The following MYO5B variants were observed in gnomAD, a reference collection of about 807,000 sequenced individuals.
The protein encoded by MYO5B is unconventional myosin-Vb.
Under a neutral mutation model 229.3 loss-of-function variants are expected in MYO5B, and 143 were observed. That is an observed-to-expected ratio of 0.62 (90% confidence interval 0.54 to 0.72). The LOEUF is 0.72. Among genes scored for constraint, MYO5B ranks in the 30% least tolerant of loss-of-function variants. MYO5B has a pLI of 0.00. For synonymous variants in MYO5B, 918 were observed against 885.2 expected (o/e 1.04, Z -0.66); for missense variants, 2,321 against 2,331.0 (o/e 1.00, Z 0.09).
chr18:50,156,635 G>A (rs1599064370), intron 1 of MYO5B, among the ~76,000 whole-genome samples: 1 of 152,176 alleles, frequency 6.6e-6, no homozygotes, highest in African/African-American at 2.4e-5. Flanking sequence ...TTTATTAGCA[G>A]TGTGAGAACA....
At chr18:50,000,224 A>C (rs1750304511) in intron 5 of MYO5B, among the ~76,000 whole-genome samples, 2 of 152,204 alleles carry the variant, frequency 1.3e-5, no homozygotes, top group Non-Finnish European at 2.9e-5. Flanking sequence ...CTGAAAGACC[A>C]AACTCCATGG....
chr18:49,962,865 TC>T, intron 11 of MYO5B, 83 bp downstream of exon 11: 1 of 1,200,280 alleles, frequency 8.3e-7, no homozygotes, highest in Admixed American at 1.7e-5. Flanking sequence ...CCCACCCACC[TC>T]AGAGGAAGAG....
chr18:50,037,183 C>T (rs556320528), intron 3 of MYO5B, among the ~76,000 whole-genome samples, 189 bp from the exon 4 acceptor site: 1 of 151,564 alleles, frequency 6.6e-6, no homozygotes, highest in Admixed American at 6.6e-5. Flanking sequence ...TACCCTACAG[C>T]CTGGAATAAG....
At position 50,178,473 on chromosome 18, in the gene MYO5B, A is replaced by T. The variant is rs58699874; in HGVS notation, c.27+16294T>A. Among the ~76,000 whole-genome samples the T allele has an allele frequency of 3.3e-3, 510 of 152,346 alleles. 2 individuals are homozygous for T. Among genetic ancestry groups the T allele is most frequent in the African/African-American group, 0.012 (501 of 41,576 alleles). The stretch of plus-strand genomic sequence containing the variant: ...AACAGAAAACACTTGAGATGCATAA[A>T]CATAGCCCAGCAGGGAAGTGCAACA... On this transcript the variant is annotated intron_variant, in intron 1 of 39. Transcript: ENST00000285039.
Position 49,836,036 on chromosome 18 carries a change from T to A in MYO5B, c.5314-612A>T, listed in dbSNP as rs553900305. 1.6e-4 allele frequency among the ~76,000 whole-genome samples: 25 copies of A among 152,170 alleles called. No homozygotes were observed. The East Asian group carries it at 2.9e-3, about 18-fold the overall frequency. ...CAGAAGGAAGCAGTTTTTTAAAGAG[T>A]TAGATATTTAATATTTTAATAGTAA... On this transcript the variant is annotated intron_variant, in intron 38 of 39. Transcript: ENST00000285039.
intron 1 of MYO5B, among the ~76,000 whole-genome samples, chr18:50,182,604 G>A (rs1159027430): frequency 6.6e-6 from 1 of 152,168 alleles, no homozygotes; most frequent in Non-Finnish European, 1.5e-5. Flanking sequence ...TTCACACCTT[G>A]TGCTAAGCCT....
intron 30 of MYO5B, among the ~76,000 whole-genome samples, 179 bp from the exon 31 acceptor site, chr18:49,853,826 A>T (rs1326027234): frequency 6.6e-6 from 1 of 152,252 alleles, no homozygotes; most frequent in African/African-American, 2.4e-5. Context: ...CAAGCAGGCC[A>T]AAGTGTCCTC....
chr18:50,082,546 A>T (rs954086722), intron 1 of MYO5B, among the ~76,000 whole-genome samples: 1 of 152,230 alleles, frequency 6.6e-6, no homozygotes, highest in Non-Finnish European at 1.5e-5. Context: ...CTGCGGATTG[A>T]TAAAATATAC....
At chr18:49,855,843 G>A (rs113753210) in intron 30 of MYO5B, among the ~76,000 whole-genome samples, 115 of 152,320 alleles carry the variant, frequency 7.5e-4, no homozygotes, top group Admixed American at 1.3e-3. Context: ...CTCAGCAGGC[G>A]GCAAGGAGAA....
Position 49,836,694 on chromosome 18 carries a change from G to T in MYO5B, c.5313+17C>A. Reference sequence around the variant, plus strand: ...TCCTTGGAATACCATGTTGACAGAGGTGCAAAGTGACTGTACCTGCTGGGT... The same window carrying T: ...TCCTTGGAATACCATGTTGACAGAGTTGCAAAGTGACTGTACCTGCTGGGT... On this transcript the variant is annotated intron_variant, in intron 38 of 39. Transcript: ENST00000285039. 6.2e-7 allele frequency: 1 copy of T among 1,613,878 alleles called. No individual in the cohort carries two copies. The highest frequency in any genetic ancestry group is 8.5e-7 in the Non-Finnish European group (1 of 1,179,808).
chr18:50,143,825 C>T (rs967123404), intron 1 of MYO5B, among the ~76,000 whole-genome samples: 34 of 152,286 alleles, frequency 2.2e-4, no homozygotes, highest in Admixed American at 1.7e-3. Context: ...CTGTCTCCTA[C>T]GCACCTGCCT....
chr18:49,849,929 A>C (rs891971639), intron 31 of MYO5B: 3 of 465,040 alleles, frequency 6.5e-6, no homozygotes, highest in South Asian at 4.1e-5. Flanking sequence ...GCTGAATCCC[A>C]AGCCTCCCCA....
intron 1 of MYO5B, among the ~76,000 whole-genome samples, chr18:50,089,214 C>A (rs544513594): frequency 6.6e-6 from 1 of 152,176 alleles, no homozygotes; most frequent in East Asian, 1.9e-4. Context: ...CCCGTCTCTA[C>A]TAAAAATACA....
intron 17 of MYO5B, among the ~76,000 whole-genome samples, chr18:49,924,156 C>T (rs139121056): frequency 1.2e-4 from 18 of 152,124 alleles, no homozygotes; most frequent in Admixed American, 2.0e-4. Context: ...TTCAGGTGGC[C>T]GCACATGTTG....
intron 37 of MYO5B, 80 bp from the exon 38 acceptor site, chr18:49,836,965 A>G: frequency 2.2e-6 from 3 of 1,391,564 alleles, no homozygotes; most frequent in East Asian, 4.8e-5. Context: ...TGTGTTTTGC[A>G]GGCCCGCTGC....
chr18:49,891,679 G>A (rs2024716313), intron 22 of MYO5B, among the ~76,000 whole-genome samples: 1 of 151,700 alleles, frequency 6.6e-6, no homozygotes, highest in Admixed American at 6.6e-5. Context: ...CTCTTGGCTG[G>A]TCAAAGTAGC....
In MYO5B at chr18:49,989,011, G is replaced by T. The variant is rs1028353824; in HGVS notation, c.838+1428C>A. Among the ~76,000 whole-genome samples, 4 of 152,048 alleles carry T rather than the reference G, an allele frequency of 2.6e-5. No homozygotes were observed. In the South Asian group the frequency reaches 6.2e-4, roughly 24 times the overall value. ...GGTCCCAATTTAAATATTACTTCCT[G>T]GGGGGAGCCTCCCAGCCCTCCTCAG... On this transcript the variant is annotated intron_variant, in intron 7 of 39. Coordinates refer to ENST00000285039, the MANE Select transcript of MYO5B (RefSeq NM_001080467.3).
chr18:49,875,737 G>C lies in MYO5B; in HGVS notation c.3487C>G (p.Leu1163Val), dbSNP rs771017980. The C allele has an allele frequency of 1.2e-6, 2 of 1,614,148 alleles. No individual in the cohort carries two copies. Among genetic ancestry groups the C allele is most frequent in the Non-Finnish European group, 1.7e-6 (2 of 1,180,022 alleles). ...TCTCTCTTCTCCAGCTGCACTTGCAGCTTTTTCCTCTCCTGCTCCAGCTCC... is the reference window on the plus strand; with the variant it reads ...TCTCTCTTCTCCAGCTGCACTTGCACCTTTTTCCTCTCCTGCTCCAGCTCC... The part of the protein sequence containing the change: ...VRELEQERKK[L>V]QVQLEKREQQ... Residue 1163 changes from leucine (L) to valine (V), a missense_variant, in exon 26 of 40, where the codon CTG becomes GTG. Coordinates refer to ENST00000285039, the MANE Select transcript of MYO5B (RefSeq NM_001080467.3).
chr18:50,054,926 T>C (rs1017612928), intron 2 of MYO5B, among the ~76,000 whole-genome samples: 1 of 152,150 alleles, frequency 6.6e-6, no homozygotes, highest in Non-Finnish European at 1.5e-5. Context: ...CCAACCACTG[T>C]GCCCTGCAGG....
Sources: allele counts gnomAD v4.1 joint callset (sites outside exome capture counted in the v4.1 genomes callset), GRCh38; gene constraint gnomAD v4.1.1; transcripts MANE v1.5; gene names NCBI Gene and HGNC (gene_info 2026-07-23, HGNC 2026-07-21).